Variants in THSD4 observed in about 807,000 individuals in gnomAD.
THSD4 encodes thrombospondin type 1 domain containing 4.
In THSD4, 69 loss-of-function variants were observed where a neutral mutation model predicts 119.0. The observed-to-expected ratio is 0.58, with a 90% CI of 0.48 to 0.71. The LOEUF is 0.71. Ranked by LOEUF, THSD4 falls within the 30% of genes least tolerant of loss-of-function variation. THSD4 has a pLI of 0.00. For synonymous variants in THSD4, 524 were observed against 540.4 expected, an observed-to-expected ratio of 0.97 and a Z score of 0.42; for missense variants, 1,393 against 1,391.1, an observed-to-expected ratio of 1.00 and a Z score of -0.02.
chr15:71,747,086 C>A, intron 13 of THSD4, 44 bp downstream of exon 13: 1 of 1,546,216 alleles, frequency 6.5e-7, no homozygotes, highest in South Asian at 1.2e-5. Flanking sequence ...CTCTCCAGCT[C>A]CCACCACACT....
chr15:71,708,188 C>T (rs781020196), intron 8 of THSD4, among the ~76,000 whole-genome samples: 2 of 152,190 alleles, frequency 1.3e-5, no homozygotes, highest in African/African-American at 2.4e-5. Context: ...TGTGATTGAA[C>T]GTCATCAATG....
chr15:71,382,043 G>C (rs1301207379), intron 6 of THSD4, among the ~76,000 whole-genome samples: 8 of 152,038 alleles, frequency 5.3e-5, no homozygotes, highest in Non-Finnish European at 1.5e-5. Flanking sequence ...ATGTCAAAAA[G>C]TTTAAAACAC....
chr15:71,532,281 A>AGTGT (rs1321666806), intron 7 of THSD4, among the ~76,000 whole-genome samples: 193 of 113,144 alleles, frequency 1.7e-3, no homozygotes, highest in Non-Finnish European at 2.7e-3. Context: ...AGAGAGAGAG[A>AGTGT]GAGTGTGTGT....
chr15:71,599,167 T>C (rs1236580659), intron 7 of THSD4, among the ~76,000 whole-genome samples: 2 of 152,212 alleles, frequency 1.3e-5, no homozygotes, highest in Non-Finnish European at 2.9e-5. Flanking sequence ...CGAAGCTAAA[T>C]TGTAAATCTT....
At chr15:71,182,476 A>C (rs2043541790) in intron 3 of THSD4, among the ~76,000 whole-genome samples, 1 of 151,722 alleles carries the variant, frequency 6.6e-6, no homozygotes, top group African/African-American at 2.4e-5. Flanking sequence ...TCTAAGAAAA[A>C]ATGAGTATTT....
In THSD4 at chr15:71,672,282, CTGTT is replaced by C. The variant is rs573375575; in HGVS notation, c.1357+11552_1357+11555del. Among the ~76,000 whole-genome samples the C allele has an allele frequency of 7.0e-4, 107 of 152,282 alleles. 3 individuals are homozygous for C. The East Asian group carries it at 0.019, about 27-fold the overall frequency. On this transcript the variant is annotated intron_variant, in intron 8 of 17. Coordinates refer to ENST00000261862, the MANE Select transcript of THSD4 (RefSeq NM_024817.3). ...GGGAGTTCACTCATGATTTGGCTCT[CTGTT>C]TGTCTGTTGCTGGTGTATAGGAATG... is the stretch of plus-strand genomic sequence containing the variant.
At chr15:71,150,320 C>A (rs896760433) in intron 2 of THSD4, among the ~76,000 whole-genome samples, 1 of 152,202 alleles carries the variant, frequency 6.6e-6, no homozygotes, top group South Asian at 2.1e-4. Flanking sequence ...GTGGGCACAG[C>A]TACAGATACC....
chr15:71,112,937 G>C (rs1013747481), upstream of THSD4, among the ~76,000 whole-genome samples: 1 of 152,170 alleles, frequency 6.6e-6, no homozygotes, highest in Non-Finnish European at 1.5e-5. Context: ...TCAGCACTTT[G>C]GGAGGCCAAG....
rs186965671 is a variant in THSD4 at position 71,597,968 on chromosome 15, C to T, written c.1153-62562C>T. Among the ~76,000 whole-genome samples the T allele has an allele frequency of 2.8e-3, 429 of 152,260 alleles. 3 individuals are homozygous for T. Among genetic ancestry groups the T allele is most frequent in the Middle Eastern group, 6.8e-3 (2 of 294 alleles). ...ATTTAGTGGGCTCTTACTATGGTCCCAATCCTGTGCTGGGCCCTAGGATCA... is the reference window on the plus strand; with the variant it reads ...ATTTAGTGGGCTCTTACTATGGTCCTAATCCTGTGCTGGGCCCTAGGATCA... On this transcript the variant is annotated intron_variant, in intron 7 of 17. Transcript: ENST00000261862.
intron 15 of THSD4, among the ~76,000 whole-genome samples, chr15:71,758,458 A>C (rs756038683): frequency 2.2e-4 from 33 of 152,244 alleles, no homozygotes; most frequent in Non-Finnish European, 4.4e-4. Flanking sequence ...ACACAAAATA[A>C]ATGGTGGCTG....
chr15:71,289,695 CAG>C (rs1180423443), intron 6 of THSD4, among the ~76,000 whole-genome samples: 1 of 152,174 alleles, frequency 6.6e-6, no homozygotes, highest in Admixed American at 6.5e-5. Flanking sequence ...GTTTTAAGAA[CAG>C]AGAATCATAA....
intron 8 of THSD4, among the ~76,000 whole-genome samples, chr15:71,674,225 G>C (rs2051593104): frequency 6.6e-6 from 1 of 152,122 alleles, no homozygotes; most frequent in Non-Finnish European, 1.5e-5. Flanking sequence ...GCTCTTATGT[G>C]GTCTCCAGTT....
intron 4 of THSD4, among the ~76,000 whole-genome samples, chr15:71,222,739 A>G (rs905332933): frequency 6.6e-6 from 1 of 152,214 alleles, no homozygotes; most frequent in Non-Finnish European, 1.5e-5. Flanking sequence ...ACTCTTGCCC[A>G]GGCGTGCAGA....
At position 71,515,230 on chromosome 15, in the gene THSD4, C is replaced by T. The variant is rs562944147; in HGVS notation, c.1152+103407C>T. 3.3e-5 allele frequency among the ~76,000 whole-genome samples: 5 copies of T among 152,340 alleles called. No individual in the cohort carries two copies. In the South Asian group the frequency reaches 1.0e-3, roughly 32 times the overall value. ...CCCTGTGCTAAGTACTACCTCTTTT[C>T]ATTGAAGCACCTGTCAGGATTAGAA... On this transcript the variant is annotated intron_variant, in intron 7 of 17. Transcript: ENST00000261862.
At chr15:71,139,240 C>T (rs1010728626) in intron 1 of THSD4, among the ~76,000 whole-genome samples, 6 of 152,140 alleles carry the variant, frequency 3.9e-5, no homozygotes, top group African/African-American at 1.4e-4. Context: ...CTGTGTTGTT[C>T]TGGATAATAA....
chr15:71,531,187 C>T (rs1382476968), intron 7 of THSD4, among the ~76,000 whole-genome samples: 2 of 152,106 alleles, frequency 1.3e-5, no homozygotes, highest in Non-Finnish European at 2.9e-5. Context: ...GGGGCTAGAT[C>T]CTGCTGGGCT....
rs769877654 is a variant in THSD4 at position 71,439,322 on chromosome 15, A to G, written c.1152+27499A>G. Among the ~76,000 whole-genome samples the G allele has an allele frequency of 7.9e-5, 12 of 152,050 alleles. 1 individual carries two copies. Among genetic ancestry groups the G allele is most frequent in the Non-Finnish European group, 1.6e-4 (11 of 68,024 alleles). On this transcript the variant is annotated intron_variant, in intron 7 of 17. Coordinates refer to ENST00000261862, the MANE Select transcript of THSD4 (RefSeq NM_024817.3). ...TTTCTACTTACTCTTCTTGTGTTCT[A>G]TTTTCACAATTCCCAGCAAAATGCT...
rs938626337 is a variant in THSD4 at position 71,777,179 on chromosome 15, C to G, written c.2915-53C>G. On this transcript the variant is annotated intron_variant, in intron 17 of 17. Transcript: ENST00000261862. ...CACTGCCCTTTCTCTTCCCACTGGTCCAGGCTGCCTCTTGTGCTCAGGGAG... is the reference window on the plus strand; with the variant it reads ...CACTGCCCTTTCTCTTCCCACTGGTGCAGGCTGCCTCTTGTGCTCAGGGAG... The G allele has an allele frequency of 2.5e-6, 4 of 1,611,800 alleles. No homozygotes were observed. The Admixed American group carries it at 5.0e-5, about 20-fold the overall frequency.
intron 4 of THSD4, among the ~76,000 whole-genome samples, chr15:71,216,692 A>G (rs1477603182): frequency 6.6e-6 from 1 of 152,236 alleles, no homozygotes. Context: ...CTCTCTTTCT[A>G]CATGGGAACC....
Sources: allele counts gnomAD v4.1 joint callset (sites outside exome capture counted in the v4.1 genomes callset), GRCh38; gene constraint gnomAD v4.1.1; transcripts MANE v1.5; gene names NCBI Gene and HGNC (gene_info 2026-07-23, HGNC 2026-07-21).